The following FAM153A variants were observed in gnomAD, a reference collection of about 807,000 sequenced individuals.
FAM153A encodes protein FAM153A.
A neutral mutation model predicts 48.1 loss-of-function variants in FAM153A; 12 were observed. That is an observed-to-expected ratio of 0.25 (90% CI 0.16 to 0.40). The LOEUF (loss-of-function observed/expected upper bound fraction) is 0.40, where lower values mean the gene tolerates loss of function less well. Ranked by LOEUF, FAM153A falls within the 10% of genes least tolerant of loss-of-function variation. FAM153A has a pLI of 1.00. For missense variants in FAM153A, 111 were observed against 345.8 expected (o/e 0.32, Z 5.38); for synonymous variants, 36 against 118.2 (o/e 0.30, Z 4.51).
chr5:177,724,566 GC>G (rs1177308656), intron 19 of FAM153A, among the ~76,000 whole-genome samples: 5 of 115,376 alleles, frequency 4.3e-5, no homozygotes, highest in Non-Finnish European at 8.8e-5. Context: ...CAACCTGGGG[GC>G]CAGTAAACAG....
In FAM153A at chr5:177,749,573, G is replaced by C. The variant is rs1241258443; in HGVS notation, c.176-874C>G. 2.1e-5 allele frequency among the ~76,000 whole-genome samples: 2 copies of C among 96,510 alleles called. 1 individual carries two copies. 63.3% of individuals were successfully genotyped at this position (96,510 alleles called of 152,430 possible). A position where few individuals can be genotyped will look rare whatever the true frequency, so the allele number is the denominator to read the frequency against. ...CCTGCAATTTTTTAAGTGCAGGAGT[G>C]AAAGTCTATTGAAATGTTTGAGAGT... On this transcript the variant is annotated intron_variant, in intron 2 of 20. Coordinates refer to ENST00000614127, the Ensembl canonical transcript of FAM153A.
intron 4 of FAM153A, among the ~76,000 whole-genome samples, chr5:177,746,075 C>T (rs1355890504): frequency 1.3e-5 from 2 of 151,412 alleles, no homozygotes; most frequent in Non-Finnish European, 1.5e-5. Flanking sequence ...TGGCATTAAC[C>T]TTCCACTCAT....
chr5:177,711,130 A>G (rs965157661), exon 27 of FAM153A: 7 of 151,966 alleles, frequency 4.6e-5, no homozygotes, highest in Admixed American at 1.3e-4. Context: ...TATACTGTAC[A>G]TATAACTAAA....
At chr5:177,715,143 C>CTTAT (rs1422378423) in intron 25 of FAM153A, among the ~76,000 whole-genome samples, 1 of 150,738 alleles carries the variant, frequency 6.6e-6, no homozygotes, top group African/African-American at 2.4e-5. Context: ...CATAGAACCT[C>CTTAT]TTATTGCCTT....
downstream of FAM153A, among the ~76,000 whole-genome samples, chr5:177,719,055 A>AT (rs964062436): frequency 5.5e-4 from 82 of 149,610 alleles, 2 homozygotes; most frequent in South Asian, 2.1e-3. Flanking sequence ...TAATTTTTGT[A>AT]TTTTTTTTTG....
At chr5:177,703,616 G>T (rs1227217353), downstream of FAM153A, among the ~76,000 whole-genome samples, 2 of 146,250 alleles carry the variant, frequency 1.4e-5, no homozygotes, top group Non-Finnish European at 3.0e-5. Context: ...CATGGTGGGG[G>T]GTGATTGGAC....
chr5:177,753,582 A>G (rs982862548), upstream of FAM153A, among the ~76,000 whole-genome samples: 2 of 150,810 alleles, frequency 1.3e-5, no homozygotes, highest in Non-Finnish European at 2.9e-5. Context: ...GGGAGATTCC[A>G]GGCTTGATGT....
At chr5:177,779,111 T>C (rs1266400374) in intron 1 of FAM153A, among the ~76,000 whole-genome samples, 4 of 151,800 alleles carry the variant, frequency 2.6e-5, no homozygotes, top group African/African-American at 9.7e-5. Context: ...TTTACTTGCT[T>C]CTAATCTTTT....
At chr5:177,755,436 C>A (rs1767627536), upstream of FAM153A, among the ~76,000 whole-genome samples, 1 of 151,754 alleles carries the variant, frequency 6.6e-6, no homozygotes, top group Admixed American at 6.6e-5. Context: ...GGAGAACTTC[C>A]CCAATCGAGC....
chr5:177,759,813 G>GT (rs1262214136), intron 1 of FAM153A, among the ~76,000 whole-genome samples: 1 of 151,098 alleles, frequency 6.6e-6, no homozygotes, highest in Non-Finnish European at 1.5e-5. Context: ...GGGGCCTGTT[G>GT]TGGGGGGGAG....
In FAM153A at chr5:177,752,630, A is replaced by AAG. The variant is rs1301907110; in HGVS notation, c.31+545_31+546insCT. Among the ~76,000 whole-genome samples, 6 of 134,830 alleles carry AAG rather than the reference A, an allele frequency of 4.5e-5. No individual in the cohort carries two copies. The South Asian group carries it at 1.2e-3, about 27-fold the overall frequency. The allele number at this position is 134,830 out of a possible 152,430, so 88.5% of individuals were successfully genotyped here. On this transcript the variant is annotated intron_variant, in intron 1 of 20. Transcript: ENST00000614127. ...AATGAGACTCTGCCAAAAAAAAAAA[A>AAG]AAAAAAAAAAAAGAAAAGTCCAGGC...
At chr5:177,728,561 T>G (rs58537076) in intron 18 of FAM153A, among the ~76,000 whole-genome samples, 12,470 of 145,748 alleles carry the variant, frequency 0.086, 1,848 homozygotes, top group African/African-American at 0.27. Context: ...GTGTTTTTTT[T>G]TTTGTTTGTT....
At chr5:177,755,386 A>G (rs1301496194), upstream of FAM153A, among the ~76,000 whole-genome samples, 1 of 151,908 alleles carries the variant, frequency 6.6e-6, no homozygotes, top group Non-Finnish European at 1.5e-5. Context: ...GATGGGGAGA[A>G]TGGAACCAAG....
chr5:177,712,938 C>G (rs1290828704), exon 27 of FAM153A: 1 of 151,882 alleles, frequency 6.6e-6, no homozygotes, highest in Non-Finnish European at 1.5e-5. Context: ...GTGGTCCGCT[C>G]CCATACACAA....
In FAM153A at chr5:177,730,208, A is replaced by G. The variant is rs1258873761; in HGVS notation, c.863-653T>C. Among the ~76,000 whole-genome samples, 25 of 113,290 alleles carry G rather than the reference A, an allele frequency of 2.2e-4. 2 individuals are homozygous for G. Among genetic ancestry groups the G allele is most frequent in the African/African-American group, 7.2e-4 (25 of 34,932 alleles). The allele number at this position is 113,290 out of a possible 152,430, so 74.3% of individuals were successfully genotyped here. On this transcript the variant is annotated intron_variant, in intron 16 of 20. Coordinates refer to ENST00000614127, the Ensembl canonical transcript of FAM153A. ...TGCTCACACTGACTCCAGCACTGGG[A>G]CAGCCTGTCATGGGGAGCAGCGAGG...
At chr5:177,711,952 A>G (rs1758548816) in exon 27 of FAM153A, 1 of 151,934 alleles carries the variant, frequency 6.6e-6, no homozygotes, top group African/African-American at 2.4e-5. Context: ...CGGAAAGCTG[A>G]CCATTCTTCT....
intron 18 of FAM153A, among the ~76,000 whole-genome samples, chr5:177,728,314 A>T (rs1763001299): frequency 6.8e-6 from 1 of 147,096 alleles, no homozygotes; most frequent in South Asian, 2.2e-4. Context: ...GATTTATGCA[A>T]ACTGTGCAGT....
intron 9 of FAM153A, 116 bp from the exon 12 acceptor site, chr5:177,739,253 T>C: frequency 1.9e-6 from 2 of 1,043,508 alleles, no homozygotes; most frequent in East Asian, 2.5e-5. Context: ...GTGGAGGCAA[T>C]GGCCACAAAA....
intron 10 of FAM153A, among the ~76,000 whole-genome samples, chr5:177,737,981 C>T (rs1437945962): frequency 4.6e-5 from 7 of 151,602 alleles, no homozygotes; most frequent in African/African-American, 1.2e-4. Flanking sequence ...CTACTTGGCC[C>T]GTGATGTTTG....
Sources: allele counts gnomAD v4.1 joint callset (sites outside exome capture counted in the v4.1 genomes callset), GRCh38; gene constraint gnomAD v4.1.1; transcripts MANE v1.5; gene names NCBI Gene and HGNC (gene_info 2026-07-23, HGNC 2026-07-21).